AFG1L: variants seen among roughly 807,000 people sequenced by gnomAD.
AFG1L encodes AFG1-like ATPase.
In AFG1L, 53 loss-of-function variants were observed where a neutral mutation model predicts 62.2. That is an observed-to-expected ratio of 0.85 (90% confidence interval 0.68 to 1.07). The LOEUF (loss-of-function observed/expected upper bound fraction) is 1.07, where lower values mean the gene tolerates loss of function less well. Among genes scored for constraint, AFG1L ranks in the 50% least tolerant of loss-of-function variants. AFG1L has a pLI of 0.00. For missense variants in AFG1L, 555 were observed against 590.5 expected (o/e 0.94, Z 0.62); for synonymous variants, 228 against 210.3 (o/e 1.08, Z -0.73).
intron 6 of AFG1L, among the ~76,000 whole-genome samples, chr6:108,382,291 C>T (rs192501266): frequency 1.2e-4 from 18 of 152,180 alleles, no homozygotes; most frequent in South Asian, 4.1e-4. Context: ...TGAGCCACCG[C>T]GCCTGGCTAT....
At chr6:108,300,758 C>T (rs1041732960) in intron 1 of AFG1L, among the ~76,000 whole-genome samples, 3 of 151,670 alleles carry the variant, frequency 2.0e-5, no homozygotes, top group Non-Finnish European at 4.4e-5. Context: ...CTGCAACCTC[C>T]GTCTCACAGG....
At chr6:108,451,964 C>T (rs1469341316) in intron 8 of AFG1L, among the ~76,000 whole-genome samples, 1 of 152,170 alleles carries the variant, frequency 6.6e-6, no homozygotes, top group Non-Finnish European at 1.5e-5. Flanking sequence ...ATCCATCCGC[C>T]TCAGCCTCTG....
At chr6:108,412,697 T>C (rs1782172126) in intron 7 of AFG1L, among the ~76,000 whole-genome samples, 1 of 152,158 alleles carries the variant, frequency 6.6e-6, no homozygotes, top group Non-Finnish European at 1.5e-5. Flanking sequence ...ATAAAATCCT[T>C]TACAGACAAA....
intron 6 of AFG1L, among the ~76,000 whole-genome samples, chr6:108,396,517 G>A (rs964648433): frequency 2.0e-5 from 3 of 151,966 alleles, no homozygotes; most frequent in Non-Finnish European, 4.4e-5. Flanking sequence ...TTGAGGCAGA[G>A]TCTCACTCTT....
chr6:108,510,106 C>G (rs1774585023), intron 10 of AFG1L, 106 bp from the exon 11 acceptor site: 1 of 809,556 alleles, frequency 1.2e-6, no homozygotes, highest in African/African-American at 1.7e-5. Flanking sequence ...ACAGCTACCA[C>G]CTAGATCACA....
rs1234686547 is a variant in AFG1L, at chr6:108,525,759, T to C, written c.*3334T>C. The C allele has an allele frequency of 1.3e-5, 2 of 152,274 alleles. No individual in the cohort carries two copies. Among genetic ancestry groups the C allele is most frequent in the African/African-American group, 4.8e-5 (2 of 41,472 alleles). 9.4% of individuals were successfully genotyped at this position (152,274 alleles called of 1,614,324 possible). A position where few individuals can be genotyped will look rare whatever the true frequency, so the allele number is the denominator to read the frequency against. On this transcript the variant is annotated 3_prime_UTR_variant, in exon 13 of 13. Coordinates refer to ENST00000368977, the MANE Select transcript of AFG1L (RefSeq NM_145315.5). Reference sequence around the variant, plus strand: ...ATGAATTGCTAAGATATAACCGAAGTCAATAAAATTAGCAAAGTGCTAACG... The same window carrying C: ...ATGAATTGCTAAGATATAACCGAAGCCAATAAAATTAGCAAAGTGCTAACG...
At chr6:108,444,872 C>T (rs1369682522) in intron 7 of AFG1L, among the ~76,000 whole-genome samples, 3 of 152,230 alleles carry the variant, frequency 2.0e-5, no homozygotes, top group African/African-American at 4.8e-5. Flanking sequence ...TTTGCTTCAA[C>T]ATCAAGTCAT....
At chr6:108,411,009 C>T (rs1234509949) in intron 7 of AFG1L, among the ~76,000 whole-genome samples, 1 of 152,164 alleles carries the variant, frequency 6.6e-6, no homozygotes, top group Admixed American at 6.5e-5. Context: ...AATTCCCTTT[C>T]CTAGCAAAGG....
At chr6:108,514,744 A>T (rs1774808520) in intron 11 of AFG1L, among the ~76,000 whole-genome samples, 1 of 152,242 alleles carries the variant, frequency 6.6e-6, no homozygotes, top group Admixed American at 6.5e-5. Flanking sequence ...TGCTGTATTC[A>T]GGAAACCCAT....
At chr6:108,433,438 C>T (rs759102963) in intron 7 of AFG1L, among the ~76,000 whole-genome samples, 27 of 151,548 alleles carry the variant, frequency 1.8e-4, no homozygotes, top group Non-Finnish European at 3.2e-4. Context: ...CACCACCACA[C>T]CCAGCTAATT....
At chr6:108,340,767 C>T (rs540231036) in intron 2 of AFG1L, among the ~76,000 whole-genome samples, 10 of 152,196 alleles carry the variant, frequency 6.6e-5, no homozygotes, top group African/African-American at 2.4e-4. Flanking sequence ...GGAAGAAGGA[C>T]AGGAAGAGGA....
chr6:108,366,315 C>T lies in AFG1L; in HGVS notation c.731C>T (p.Ser244Phe). 6.2e-6 allele frequency: 10 copies of T among 1,610,988 alleles called. 1 individual carries two copies. The highest frequency in any genetic ancestry group is 2.2e-5 in the South Asian group (2 of 90,780). Residue 244 changes from serine (S) to phenylalanine (F), a missense_variant, in exon 6 of 13, where the codon TCC (serine) becomes TTC (phenylalanine). By Grantham distance (155) the Ser-to-Phe change is radical. Transcript: ENST00000368977. ...AACGGGGTCGTCGTTGTGGCAACAT[C>T]CAACAGGCCACCGGAAGGTAAAAAC... ...FKNGVVVVAT[S>F]NRPPEDLYKN...
chr6:108,399,178 GTTTTTTTTTTTT>G (rs57304886), intron 6 of AFG1L, among the ~76,000 whole-genome samples: 1 of 62,206 alleles, frequency 1.6e-5, no homozygotes, highest in African/African-American at 6.7e-5. Context: ...TCTTTTGTTT[GTTTTTTTTTTTT>G]TTTTTTTTTT....
At chr6:108,499,576 CAAAA>C (rs1229508414) in intron 10 of AFG1L, among the ~76,000 whole-genome samples, 2 of 59,282 alleles carry the variant, frequency 3.4e-5, no homozygotes, top group Non-Finnish European at 3.5e-5. Flanking sequence ...TCATCTCTAC[CAAAA>C]AAAAAAAAAA....
chr6:108,505,991 G>A (rs1486655212), intron 10 of AFG1L, among the ~76,000 whole-genome samples: 1 of 152,068 alleles, frequency 6.6e-6, no homozygotes, highest in Non-Finnish European at 1.5e-5. Context: ...GCTTACATGG[G>A]GAAAAATTGC....
intron 2 of AFG1L, among the ~76,000 whole-genome samples, chr6:108,342,302 G>A (rs1382201908): frequency 2.6e-5 from 4 of 152,206 alleles, no homozygotes; most frequent in African/African-American, 7.2e-5. Flanking sequence ...CAGGGGAGGG[G>A]AGCACATGGA....
In AFG1L at chr6:108,422,477, C is replaced by CAAAAAAAAAAAAAAAAAAAAAAAA. The variant is rs539232525; in HGVS notation, c.807+20445_807+20446insAAAAAAAAAAAAAAAAAAAAAAAA. On this transcript the variant is annotated intron_variant, in intron 7 of 12. Transcript: ENST00000368977. ...ATATTTTTTTAAAATTAGTCCTCAG[C>CAAAAAAAAAAAAAAAAAAAAAAAA]AAAAAAAAAAAAAAAAAAAAAAGAA... Among the ~76,000 whole-genome samples the CAAAAAAAAAAAAAAAAAAAAAAAA allele has an allele frequency of 2.9e-3, 132 of 45,802 alleles. 18 individuals carry two copies. Among genetic ancestry groups the CAAAAAAAAAAAAAAAAAAAAAAAA allele is most frequent in the African/African-American group, 8.0e-3 (77 of 9,614 alleles). 30.0% of individuals were successfully genotyped at this position (45,802 alleles called of 152,430 possible). A position where few individuals can be genotyped will look rare whatever the true frequency, so the allele number is the denominator to read the frequency against.
At chr6:108,518,875 T>G (rs1245427184) in intron 11 of AFG1L, among the ~76,000 whole-genome samples, 1 of 152,228 alleles carries the variant, frequency 6.6e-6, no homozygotes, top group Non-Finnish European at 1.5e-5. Flanking sequence ...TGCACTGAAC[T>G]TAGCAGTCTG....
chr6:108,343,028 G>A (rs920446868), intron 2 of AFG1L, among the ~76,000 whole-genome samples: 3 of 150,638 alleles, frequency 2.0e-5, no homozygotes, highest in African/African-American at 7.3e-5. Flanking sequence ...AGTTGAGAGG[G>A]AAAAATAGAA....
Sources: gnomAD v4.1 joint callset for allele counts (sites outside exome capture counted in the v4.1 genomes callset) on GRCh38, gnomAD v4.1.1 for gene constraint, MANE v1.5 for transcripts, NCBI Gene and HGNC (gene_info 2026-07-23, HGNC 2026-07-21) for gene names.